Variants in METTL15 observed in about 807,000 individuals in gnomAD.
METTL15 encodes the protein 12S rRNA N(4)-cytidine methyltransferase METTL15.
METTL15 carries 34 observed loss-of-function variants against 38.3 expected under a neutral mutation model. The observed-to-expected ratio is 0.89, with a 90% CI of 0.68 to 1.18. METTL15 has a LOEUF of 1.18. Ranked by LOEUF, METTL15 falls within the 50% of genes most tolerant of loss-of-function variation. The probability of loss-of-function intolerance (pLI) is 0.00; values close to 1 mark genes in which losing one functional copy is unlikely to be tolerated. For synonymous variants in METTL15, 162 were observed against 170.9 expected, an observed-to-expected ratio of 0.95 and a Z score of 0.41; for missense variants, 438 against 498.4, an observed-to-expected ratio of 0.88 and a Z score of 1.15.
intron 4 of METTL15, among the ~76,000 whole-genome samples, chr11:28,248,351 A>C (rs2133917929): frequency 6.6e-6 from 1 of 152,094 alleles, no homozygotes; most frequent in Non-Finnish European, 1.5e-5. Context: ...AGTTGGGGTA[A>C]TTTTTGGCTG....
At chr11:28,468,105 T>A (rs1228647091) in intron 6 of METTL15, among the ~76,000 whole-genome samples, 1 of 152,138 alleles carries the variant, frequency 6.6e-6, no homozygotes. Context: ...TCCTTGTGCA[T>A]CTTAATGGTG....
chr11:28,416,254 C>G (rs1290651167), intron 5 of METTL15, among the ~76,000 whole-genome samples: 2 of 152,208 alleles, frequency 1.3e-5, no homozygotes, highest in Non-Finnish European at 2.9e-5. Context: ...CGTGTTCAAG[C>G]TCTATCTATA....
chr11:28,320,360 A>T (rs984535916), intron 6 of METTL15, among the ~76,000 whole-genome samples: 1 of 151,932 alleles, frequency 6.6e-6, no homozygotes, highest in African/African-American at 2.4e-5. Context: ...GGAGTTCAAG[A>T]CCAGCCTAGG....
intron 4 of METTL15, among the ~76,000 whole-genome samples, chr11:28,252,654 G>A (rs1022238270): frequency 2.0e-5 from 3 of 151,712 alleles, no homozygotes; most frequent in African/African-American, 7.3e-5. Flanking sequence ...TCCCTGCCTG[G>A]GTTATCAGTC....
intron 6 of METTL15, among the ~76,000 whole-genome samples, chr11:28,313,147 G>C (rs1857365922): frequency 6.6e-6 from 1 of 151,936 alleles, no homozygotes; most frequent in Non-Finnish European, 1.5e-5. Flanking sequence ...TTGAACAAAT[G>C]ACATGACTAT....
At chr11:28,388,106 A>C (rs1469373586) in intron 5 of METTL15, among the ~76,000 whole-genome samples, 2 of 152,092 alleles carry the variant, frequency 1.3e-5, no homozygotes, top group African/African-American at 4.8e-5. Context: ...GTGGTGAAAA[A>C]CTAACATCTT....
intron 6 of METTL15, among the ~76,000 whole-genome samples, chr11:28,505,582 A>C (rs898000181): frequency 6.6e-6 from 1 of 152,198 alleles, no homozygotes; most frequent in Non-Finnish European, 1.5e-5. Context: ...AGACATTTAT[A>C]TTCTGCCTTT....
chr11:28,363,657 A>G (rs1465066565), intron 5 of METTL15, among the ~76,000 whole-genome samples: 1 of 151,904 alleles, frequency 6.6e-6, no homozygotes, highest in Non-Finnish European at 1.5e-5. Flanking sequence ...TCTGTTGGTA[A>G]TTTATATTGC....
chr11:28,498,112 T>C (rs1851551238), intron 6 of METTL15, among the ~76,000 whole-genome samples: 1 of 151,898 alleles, frequency 6.6e-6, no homozygotes, highest in African/African-American at 2.4e-5. Context: ...CTGTCATGAC[T>C]TAATCACTTC....
intron 4 of METTL15, among the ~76,000 whole-genome samples, chr11:28,281,519 G>T (rs559590800): frequency 1.3e-5 from 2 of 152,148 alleles, no homozygotes; most frequent in Non-Finnish European, 2.9e-5. Context: ...ATAGCTCTCT[G>T]ATTCCTTCAA....
chr11:28,238,274 C>T (rs530064212), intron 4 of METTL15, among the ~76,000 whole-genome samples: 41 of 152,318 alleles, frequency 2.7e-4, no homozygotes, highest in East Asian at 2.3e-3. Flanking sequence ...GCGAGCTTCC[C>T]GGCTGCTTTG....
At chr11:28,113,628 G>C (rs1388932974) in intron 3 of METTL15, 24 bp downstream of exon 3, 1 of 1,595,728 alleles carries the variant, frequency 6.3e-7, no homozygotes, top group African/African-American at 1.4e-5. Context: ...TTATTTTTTA[G>C]CAAGTTTTTG....
chr11:28,455,359 G>A (rs1391650421), intron 6 of METTL15, among the ~76,000 whole-genome samples: 3 of 151,308 alleles, frequency 2.0e-5, no homozygotes, highest in Non-Finnish European at 4.4e-5. Flanking sequence ...GTTGTTCCAT[G>A]AGATAGCAAT....
intron 5 of METTL15, among the ~76,000 whole-genome samples, chr11:28,363,690 A>G (rs1027801242): frequency 1.3e-5 from 2 of 152,096 alleles, no homozygotes; most frequent in African/African-American, 4.8e-5. Flanking sequence ...CTTTAGTTTA[A>G]TTAGGTTCCA....
intron 4 of METTL15, among the ~76,000 whole-genome samples, chr11:28,263,634 T>A (rs1202821825): frequency 2.0e-5 from 3 of 152,082 alleles, no homozygotes; most frequent in African/African-American, 2.4e-5. Flanking sequence ...TCTTGCTCAG[T>A]TTCTGGAACT....
chr11:28,490,845 A>G (rs1353894615), intron 6 of METTL15, among the ~76,000 whole-genome samples: 1 of 152,168 alleles, frequency 6.6e-6, no homozygotes. Context: ...ATAAATAGAC[A>G]TTTTTGTCAA....
rs182012246 is a variant in METTL15 at position 28,393,421 on chromosome 11, C to T, written c.*359-30878C>T. On this transcript the variant is annotated intron_variant and NMD_transcript_variant, in intron 5 of 7. Coordinates refer to the METTL15 transcript ENST00000532947. ...AATGATAATCATTTATTATTGTTCA[C>T]GGTGTCTATGGGTCAGGAATTTTGA... 6.6e-5 allele frequency among the ~76,000 whole-genome samples: 10 copies of T among 152,156 alleles called. No individual in the cohort carries two copies. The East Asian group carries it at 7.7e-4, about 12-fold the overall frequency.
chr11:28,417,657 G>A (rs919602668), intron 5 of METTL15, among the ~76,000 whole-genome samples: 1 of 152,166 alleles, frequency 6.6e-6, no homozygotes, highest in Non-Finnish European at 1.5e-5. Flanking sequence ...TTTTCTTGGA[G>A]GGGGTGGCAG....
chr11:28,299,991 C>T (rs1565236041), intron 6 of METTL15, among the ~76,000 whole-genome samples: 1 of 152,032 alleles, frequency 6.6e-6, no homozygotes, highest in Non-Finnish European at 1.5e-5. Context: ...GGACACCAGT[C>T]ATGTTGGATT....
Sources: gnomAD v4.1 joint callset for allele counts (sites outside exome capture counted in the v4.1 genomes callset) on GRCh38, gnomAD v4.1.1 for gene constraint, MANE v1.5 for transcripts, NCBI Gene and HGNC (gene_info 2026-07-23, HGNC 2026-07-21) for gene names.